The following MYO7B variants were observed in gnomAD, a reference collection of about 807,000 sequenced individuals.
MYO7B encodes the protein unconventional myosin-VIIb.
Under a neutral mutation model 259.7 loss-of-function variants are expected in MYO7B, and 212 were observed. The ratio of observed to expected loss-of-function variants is 0.82; its 90% CI spans 0.73 to 0.91. The LOEUF (loss-of-function observed/expected upper bound fraction) is 0.91, where lower values mean the gene tolerates loss of function less well. Among genes scored for constraint, MYO7B ranks in the 40% least tolerant of loss-of-function variants. The pLI is 0.00. For synonymous variants in MYO7B, 1,197 were observed against 1,166.4 expected (o/e 1.03, Z -0.54); for missense variants, 2,732 against 2,813.5 (o/e 0.97, Z 0.66).
rs935058581 is a variant in MYO7B at position 127,539,065 on chromosome 2, G to T, written c.-24+3234G>T. On this transcript the variant is annotated intron_variant, in intron 1 of 47. Coordinates refer to ENST00000409816, the MANE Select transcript of MYO7B (RefSeq NM_001393586.1). This position sits in a 1 kb window ranked among gnomAD's most constrained non-coding sequence, Gnocchi z 4.0. ...TCCTACTCTGTTCTGGGGGCTGGGG[G>T]CAGAGTACTGAGGGTATGAAAAGGA... Among the ~76,000 whole-genome samples the T allele has an allele frequency of 6.6e-6, 1 of 152,134 alleles. No individual in the cohort carries two copies. The highest frequency in any genetic ancestry group is 2.4e-5 in the African/African-American group (1 of 41,426).
At position 127,585,038 on chromosome 2, in the gene MYO7B, T is replaced by C. The variant is rs1679248648; in HGVS notation, c.1690+125T>C. ...AGCAATGGGGCAGAGGGATGAGTAG[T>C]ATGGCTTCTACTGGAGAAAGAAAAT... On this transcript the variant is annotated intron_variant, in intron 14 of 47. Coordinates refer to ENST00000409816, the MANE Select transcript of MYO7B (RefSeq NM_001393586.1). This position sits in a 1 kb window ranked among gnomAD's most constrained non-coding sequence, Gnocchi z 4.3. 1 of 1,250,084 alleles carries C rather than the reference T, an allele frequency of 8.0e-7. No homozygotes were observed. The highest frequency in any genetic ancestry group is 1.5e-5 in the African/African-American group (1 of 66,702). 77.4% of individuals were successfully genotyped at this position (1,250,084 alleles called of 1,614,324 possible). A position where few individuals can be genotyped will look rare whatever the true frequency, so the allele number is the denominator to read the frequency against.
chr2:127,578,551 T>C (rs555678260), intron 9 of MYO7B, among the ~76,000 whole-genome samples: 1 of 152,298 alleles, frequency 6.6e-6, no homozygotes, highest in Admixed American at 6.5e-5. Flanking sequence ...CCCCTTAAGG[T>C]TCAGGTAAGC....
chr2:127,609,426 C>A lies in MYO7B; in HGVS notation c.2815-80C>A. 2 of 1,337,782 alleles carry A rather than the reference C, an allele frequency of 1.5e-6. No homozygotes were observed. Among genetic ancestry groups the A allele is most frequent in the South Asian group, 2.6e-5 (2 of 76,800 alleles). The allele number at this position is 1,337,782 out of a possible 1,614,324, so 82.9% of individuals were successfully genotyped here. The stretch of plus-strand genomic sequence containing the variant: ...GTAATGCAACAGCCCCCGTGCTGCC[C>A]GGCCTGCTGGACAGTCAGCTGATGG... On this transcript the variant is annotated intron_variant, in intron 22 of 47. Coordinates refer to ENST00000409816, the MANE Select transcript of MYO7B (RefSeq NM_001393586.1). This position sits in a 1 kb window ranked among gnomAD's most constrained non-coding sequence, Gnocchi z 6.9.
In MYO7B at chr2:127,564,189, A is replaced by G. The variant is rs765443458; in HGVS notation, c.55A>G (p.Lys19Glu). 10 of 1,575,292 alleles carry G rather than the reference A, an allele frequency of 6.3e-6. No individual in the cohort carries two copies. The South Asian group carries it at 1.1e-4, about 17-fold the overall frequency. Residue 19 changes from lysine (K) to glutamate (E), a missense_variant, in exon 3 of 48, where the codon AAG becomes GAG. Coordinates refer to ENST00000409816, the MANE Select transcript of MYO7B (RefSeq NM_001393586.1). ...GTGGCTGGAGCCTCCCTCCACCCACAAGACCGGCGTGGCCATCGGGGGCAT... is the reference window on the plus strand; with the variant it reads ...GTGGCTGGAGCCTCCCTCCACCCACGAGACCGGCGTGGCCATCGGGGGCAT... ...HVWLEPPSTH[K>E]TGVAIGGIIK... is the part of the protein sequence containing the mutation.
In MYO7B at chr2:127,609,858, G is replaced by A. The variant is rs61741454; in HGVS notation, c.3034G>A (p.Val1012Ile). ...EDDTDCLAALVIWNVILRFMG... is the reference protein window; with the variant it reads ...EDDTDCLAALIIWNVILRFMG... ...TGTCTTGTTTCCCCAGGCCGCCCTG[G>A]TCATATGGAACGTCATCCTGAGGTT... The change falls in exon 24 of 48, where the codon GTC (valine) becomes ATC (isoleucine). Residue 1012 changes from valine (V) to isoleucine (I), a missense_variant. This residue lies in a region of MYO7B where 1,906 missense variants were observed against 2,026.4 expected (regional missense o/e 0.94). Coordinates refer to ENST00000409816, the MANE Select transcript of MYO7B (RefSeq NM_001393586.1). This position sits in a 1 kb window ranked among gnomAD's most constrained non-coding sequence, Gnocchi z 6.9. 1.3e-3 allele frequency: 2,159 copies of A among 1,613,414 alleles called. 33 individuals are homozygous for A. The African/African-American group carries it at 0.022, about 17-fold the overall frequency.
intron 40 of MYO7B, 117 bp downstream of exon 40, chr2:127,633,480 C>A: frequency 1.0e-6 from 1 of 962,532 alleles, no homozygotes; most frequent in Non-Finnish European, 1.6e-6. Flanking sequence ...CTAGGGCTGT[C>A]CCATCCTAAC....
rs1489693222 is a variant in MYO7B, at chr2:127,628,380, A to AG, written c.4472dup (p.Gly1492ArgfsTer11). On this transcript the variant is annotated frameshift_variant, in exon 34 of 48. Coordinates refer to ENST00000409816, the MANE Select transcript of MYO7B (RefSeq NM_001393586.1). LOFTEE classifies it high-confidence loss of function. This position sits in a 1 kb window ranked among gnomAD's most constrained non-coding sequence, Gnocchi z 4.8. ...CTGTCCTTCATCTCCAGGGAGGCCC[A>AG]GGGCGGGCAGAGGCTGCTGCTCTCC... The AG allele has an allele frequency of 4.4e-6, 7 of 1,600,410 alleles. No individual in the cohort carries two copies. Among genetic ancestry groups the AG allele is most frequent in the Non-Finnish European group, 6.0e-6 (7 of 1,175,758 alleles).
chr2:127,634,358 T>TG (rs1483278878), intron 41 of MYO7B, 69 bp downstream of exon 41: 7 of 1,239,676 alleles, frequency 5.6e-6, no homozygotes, highest in Non-Finnish European at 7.8e-6. Context: ...GTGCTGCCTG[T>TG]GGGGGCCTCA....
intron 1 of MYO7B, among the ~76,000 whole-genome samples, chr2:127,541,853 G>A (rs1693016874): frequency 6.6e-6 from 1 of 152,222 alleles, no homozygotes; most frequent in Admixed American, 6.5e-5. Flanking sequence ...GCTGCACCAG[G>A]CTCTCCAAGA....
At chr2:127,596,773 C>T (rs552777142) in intron 19 of MYO7B, among the ~76,000 whole-genome samples, 1 of 152,358 alleles carries the variant, frequency 6.6e-6, no homozygotes, top group South Asian at 2.1e-4. Flanking sequence ...AAAAACACTC[C>T]ATATGCAAGA....
Position 127,592,087 on chromosome 2 carries a change from G to A in MYO7B, c.1993-707G>A. On this transcript the variant is annotated intron_variant, in intron 16 of 47. Transcript: ENST00000409816. Reference sequence around the variant, plus strand: ...TTCCACCCCGACCTATGTAGGCAAGGGGCGCTTAAAAACATTTTAAACTGG... The same window carrying A: ...TTCCACCCCGACCTATGTAGGCAAGAGGCGCTTAAAAACATTTTAAACTGG... Among the ~76,000 whole-genome samples the A allele has an allele frequency of 1.3e-5, 2 of 152,214 alleles. 1 individual carries two copies. The highest frequency in any genetic ancestry group is 1.3e-4 in the Admixed American group (2 of 15,284).
rs1678913668 is a variant in MYO7B at position 127,577,374 on chromosome 2, G to A, written c.849+666G>A. Among the ~76,000 whole-genome samples, 1 of 152,174 alleles carries A rather than the reference G, an allele frequency of 6.6e-6. No homozygotes were observed. The highest frequency in any genetic ancestry group is 2.1e-4 in the South Asian group (1 of 4,830). Reference sequence around the variant, plus strand: ...CCTCTAATCTGTCATCTACCCTGCAGCCAAAGCACTCTTCCTGTAGGAAGG... The same window carrying A: ...CCTCTAATCTGTCATCTACCCTGCAACCAAAGCACTCTTCCTGTAGGAAGG... On this transcript the variant is annotated intron_variant, in intron 8 of 47. Transcript: ENST00000409816. This position sits in a 1 kb window ranked among gnomAD's most constrained non-coding sequence, Gnocchi z 5.2.
Position 127,546,392 on chromosome 2 carries a change from C to T in MYO7B, c.-24+10561C>T, listed in dbSNP as rs1373711479. On this transcript the variant is annotated intron_variant, in intron 1 of 47. Transcript: ENST00000409816. This position sits in a 1 kb window ranked among gnomAD's most constrained non-coding sequence, Gnocchi z 4.2. The stretch of plus-strand genomic sequence containing the variant: ...CCACTCCAGCCCTGTCCTGGTCCAG[C>T]AATGCTTTGATCTTCCCTGCACCTC... Among the ~76,000 whole-genome samples the T allele has an allele frequency of 6.6e-6, 1 of 152,194 alleles. No homozygotes were observed. The highest frequency in any genetic ancestry group is 1.5e-5 in the Non-Finnish European group (1 of 68,038).
intron 41 of MYO7B, 47 bp from the exon 42 acceptor site, chr2:127,634,549 C>G: frequency 6.6e-7 from 1 of 1,526,546 alleles, no homozygotes; most frequent in Non-Finnish European, 9.0e-7. Context: ...CTCAGGAGGA[C>G]AGTCCCCGGA....
rs1309443685 is a variant in MYO7B at position 127,612,509 on chromosome 2, T to C, written c.3304T>C (p.Leu1102=). Residue 1102 remains leucine, a synonymous_variant, in exon 26 of 48, where the codon TTG becomes CTG. Transcript: ENST00000409816. ...CCAGCTGAACATTGGAGAGGAGGCA[T>C]TGGAGCCTGATGGCCTTGGTGCAGA... ...ASQLNIGEEA[L]EPDGLGADRP... is the part of the protein sequence containing the mutation. 1 of 1,564,340 alleles carries C rather than the reference T, an allele frequency of 6.4e-7. No homozygotes were observed. The highest frequency in any genetic ancestry group is 8.7e-7 in the Non-Finnish European group (1 of 1,154,368).
Position 127,634,206 on chromosome 2 carries a change from C to T in MYO7B, c.5542C>T (p.Arg1848Trp), listed in dbSNP as rs775309586. ...GGAGGTGGTTGCCAACACACGGGTGCGGGATGTGTGTGACAGCATTGCCAC... is the reference window on the plus strand; with the variant it reads ...GGAGGTGGTTGCCAACACACGGGTGTGGGATGTGTGTGACAGCATTGCCAC... ...MLEVVANTRV[R>W]DVCDSIATRL... Residue 1848 changes from arginine (R) to tryptophan (W), a missense_variant, in exon 41 of 48, where the codon CGG becomes TGG. Physicochemically the swap from Arg to Trp is moderately radical, Grantham distance 101. This residue lies in a region of MYO7B where 821 missense variants were observed against 769.3 expected (regional missense o/e 1.07). Coordinates refer to ENST00000409816, the MANE Select transcript of MYO7B (RefSeq NM_001393586.1). 12 of 1,606,462 alleles carry T rather than the reference C, an allele frequency of 7.5e-6. No homozygotes were observed. Among genetic ancestry groups the T allele is most frequent in the Admixed American group, 6.8e-5 (4 of 58,590 alleles).
chr2:127,573,324 G>C (rs1004905200), intron 6 of MYO7B, among the ~76,000 whole-genome samples: 9 of 152,216 alleles, frequency 5.9e-5, no homozygotes, highest in Non-Finnish European at 1.0e-4. Flanking sequence ...AGGTGGACAT[G>C]TGTATATACT....
chr2:127,573,766 G>A (rs535967197), intron 6 of MYO7B, among the ~76,000 whole-genome samples, 154 bp from the exon 7 acceptor site: 19 of 152,246 alleles, frequency 1.2e-4, no homozygotes, highest in South Asian at 8.3e-4. Flanking sequence ...TCCTCTTAGC[G>A]GGCGCTTGGC....
rs755423435 is a variant in MYO7B, at chr2:127,584,080, C to T, written c.1344-42C>T. On this transcript the variant is annotated intron_variant, in intron 12 of 47. Coordinates refer to ENST00000409816, the MANE Select transcript of MYO7B (RefSeq NM_001393586.1). The surrounding 1 kb of genome is among the most constrained non-coding windows in gnomAD (Gnocchi z 5.8). ...CCAGCCTGCTGCAGCGGGGACTCAG[C>T]TGGCCCCACTCCACCCCTGGGCAGT... is the stretch of plus-strand genomic sequence containing the variant. 2.6e-6 allele frequency: 4 copies of T among 1,568,384 alleles called. No homozygotes were observed. The Admixed American group carries it at 5.5e-5, about 21-fold the overall frequency.
Sources: allele counts gnomAD v4.1 joint callset (sites outside exome capture counted in the v4.1 genomes callset), GRCh38; gene constraint gnomAD v4.1.1; regional missense constraint gnomAD v4.1.1; non-coding constraint Gnocchi (gnomAD v3.1); transcripts MANE v1.5; gene names NCBI Gene and HGNC (gene_info 2026-07-23, HGNC 2026-07-21).